ATXN7L1: variants seen among roughly 807,000 people sequenced by gnomAD.
ATXN7L1 encodes ataxin 7 like 1.
Under a neutral mutation model 70.8 loss-of-function variants are expected in ATXN7L1, and 15 were observed. The ratio of observed to expected loss-of-function variants is 0.21; its 90% confidence interval spans 0.14 to 0.33. ATXN7L1 has a LOEUF of 0.33. Among genes scored for constraint, ATXN7L1 ranks in the 10% least tolerant of loss-of-function variants. ATXN7L1 has a pLI of 1.00. For synonymous variants in ATXN7L1, 440 were observed against 445.1 expected (o/e 0.99, Z 0.14); for missense variants, 975 against 1,097.1 (o/e 0.89, Z 1.57).
chr7:105,692,365 C>CCG (rs1334820455), intron 3 of ATXN7L1, among the ~76,000 whole-genome samples: 1 of 149,780 alleles, frequency 6.7e-6, no homozygotes, highest in East Asian at 2.0e-4. Flanking sequence ...GGATGAATTT[C>CCG]TTTCTTTCCT....
rs915334250 is a variant in ATXN7L1 at position 105,678,024 on chromosome 7, G to A, written c.356-12736C>T. 2.8e-5 allele frequency: 28 copies of A among 985,052 alleles called. No individual in the cohort carries two copies. In the Admixed American group the frequency reaches 5.5e-4, roughly 19 times the overall value. 61.0% of individuals were successfully genotyped at this position (985,052 alleles called of 1,614,324 possible). A position where few individuals can be genotyped will look rare whatever the true frequency, so the allele number is the denominator to read the frequency against. ...TCTCCTTGGAGTGGCAGTTGGCAGC[G>A]GCAAACAGGAAGTTGTCTTGAAGTA... is the stretch of plus-strand genomic sequence containing the variant. On this transcript the variant is annotated intron_variant, in intron 3 of 11. Coordinates refer to ENST00000419735, the MANE Select transcript of ATXN7L1 (RefSeq NM_020725.2).
chr7:105,697,814 T>C (rs1450247505), intron 3 of ATXN7L1, among the ~76,000 whole-genome samples: 1 of 152,234 alleles, frequency 6.6e-6, no homozygotes, highest in Admixed American at 6.5e-5. Flanking sequence ...CAATCCACGT[T>C]CTTCTGTCAT....
chr7:105,834,419 C>T (rs1812071358), intron 2 of ATXN7L1, among the ~76,000 whole-genome samples: 1 of 152,212 alleles, frequency 6.6e-6, no homozygotes, highest in Non-Finnish European at 1.5e-5. Context: ...AATTACTTAA[C>T]CAGTCTCCTA....
chr7:105,822,615 A>G (rs550466465), intron 2 of ATXN7L1, among the ~76,000 whole-genome samples: 30 of 152,350 alleles, frequency 2.0e-4, no homozygotes, highest in African/African-American at 6.5e-4. Flanking sequence ...AAACACCTAC[A>G]GAGCTCATTT....
intron 5 of ATXN7L1, 33 bp downstream of exon 5, chr7:105,642,802 AATC>A (rs1798465621): frequency 6.5e-7 from 1 of 1,530,446 alleles, no homozygotes; most frequent in Non-Finnish European, 8.8e-7. Flanking sequence ...CTTTCAGTCT[AATC>A]ATGAGTCAGA....
chr7:105,702,694 T>C (rs1402125867), intron 3 of ATXN7L1, among the ~76,000 whole-genome samples: 2 of 152,174 alleles, frequency 1.3e-5, no homozygotes, highest in African/African-American at 4.8e-5. Flanking sequence ...TAAAAAGTAC[T>C]TGAGGCCTGG....
At chr7:105,619,532 T>TATA (rs1562901473) in intron 9 of ATXN7L1, among the ~76,000 whole-genome samples, 45 of 5,362 alleles carry the variant, frequency 8.4e-3, no homozygotes, top group Non-Finnish European at 0.012. Context: ...ATATATATAT[T>TATA]TTTTTTTTTT....
intron 3 of ATXN7L1, among the ~76,000 whole-genome samples, chr7:105,770,878 A>G (rs2116438435): frequency 6.6e-6 from 1 of 152,226 alleles, no homozygotes; most frequent in East Asian, 1.9e-4. Flanking sequence ...GTGGACCAAA[A>G]GCACCAGCAT....
intron 5 of ATXN7L1, 103 bp downstream of exon 5, chr7:105,642,735 G>T: frequency 7.4e-7 from 1 of 1,354,896 alleles, no homozygotes; most frequent in Non-Finnish European, 9.9e-7. Flanking sequence ...CCCTTAAAAT[G>T]AAACAGACCT....
intron 2 of ATXN7L1, among the ~76,000 whole-genome samples, chr7:105,800,441 A>G (rs1005419286): frequency 6.6e-6 from 1 of 152,208 alleles, no homozygotes; most frequent in Admixed American, 6.5e-5. Context: ...CTGTATTTGC[A>G]CGCTCCTCTG....
Position 105,789,588 on chromosome 7 carries a change from G to A in ATXN7L1, c.251-880C>T, listed in dbSNP as rs510382. Among the ~76,000 whole-genome samples the A allele has an allele frequency of 7.2e-3, 1,103 of 152,200 alleles. 11 individuals are homozygous for A. The highest frequency in any genetic ancestry group is 0.025 in the African/African-American group (1,035 of 41,520). ...GCAAAGGGCCAGGCAGGGGGAAGGC[G>A]GAAAGTTTGAAGCTGAAGCCAAGGA... On this transcript the variant is annotated intron_variant, in intron 2 of 11. Transcript: ENST00000419735.
chr7:105,800,906 T>A (rs1405400394), intron 2 of ATXN7L1, among the ~76,000 whole-genome samples: 1 of 151,472 alleles, frequency 6.6e-6, no homozygotes, highest in Non-Finnish European at 1.5e-5. Flanking sequence ...ATTCGCTAAG[T>A]AAAAAGCCAA....
chr7:105,830,963 C>T (rs1811517801), intron 2 of ATXN7L1, among the ~76,000 whole-genome samples: 1 of 152,260 alleles, frequency 6.6e-6, no homozygotes, highest in South Asian at 2.1e-4. Context: ...CCACAGGAGC[C>T]TGGGATACCT....
intron 3 of ATXN7L1, among the ~76,000 whole-genome samples, chr7:105,707,794 C>A (rs1793369681): frequency 6.6e-6 from 1 of 152,206 alleles, no homozygotes; most frequent in Admixed American, 6.5e-5. Context: ...CACTGAAGTG[C>A]TGAGTACAGG....
intron 4 of ATXN7L1, among the ~76,000 whole-genome samples, chr7:105,648,679 G>A (rs1174478515): frequency 6.6e-6 from 1 of 152,090 alleles, no homozygotes; most frequent in South Asian, 2.1e-4. Flanking sequence ...CCAGTGTCTC[G>A]GAATTGTCCT....
At chr7:105,694,607 A>T (rs1791470207) in intron 3 of ATXN7L1, among the ~76,000 whole-genome samples, 1 of 152,190 alleles carries the variant, frequency 6.6e-6, no homozygotes, top group Non-Finnish European at 1.5e-5. Context: ...CTCATGGCCG[A>T]TAATGTACGC....
chr7:105,691,364 A>G (rs1472424341), intron 3 of ATXN7L1, among the ~76,000 whole-genome samples: 2 of 152,202 alleles, frequency 1.3e-5, no homozygotes, highest in Non-Finnish European at 2.9e-5. Flanking sequence ...ATTAATCATC[A>G]AGAGCTAAAA....
At chr7:105,715,991 A>G (rs1380837372) in intron 3 of ATXN7L1, among the ~76,000 whole-genome samples, 1 of 152,146 alleles carries the variant, frequency 6.6e-6, no homozygotes, top group African/African-American at 2.4e-5. Context: ...ACCCTCCAAA[A>G]AAAGCTGGGG....
At chr7:105,651,870 C>T (rs1174960192) in intron 4 of ATXN7L1, among the ~76,000 whole-genome samples, 2 of 152,170 alleles carry the variant, frequency 1.3e-5, no homozygotes, top group East Asian at 3.9e-4. Flanking sequence ...TAAGATGCCT[C>T]CCAGAGAAAT....
Sources: gnomAD v4.1 joint callset for allele counts (sites outside exome capture counted in the v4.1 genomes callset) on GRCh38, gnomAD v4.1.1 for gene constraint, MANE v1.5 for transcripts, NCBI Gene and HGNC (gene_info 2026-07-23, HGNC 2026-07-21) for gene names.